PHF19: variants seen among roughly 807,000 people sequenced by gnomAD.
The protein encoded by PHF19 is polycomb like 3.
PHF19 carries 21 observed loss-of-function variants against 79.8 expected under a neutral mutation model. The ratio of observed to expected loss-of-function variants is 0.26; its 90% CI spans 0.19 to 0.38. The LOEUF (loss-of-function observed/expected upper bound fraction) is 0.38. Among genes scored for constraint, PHF19 ranks in the 10% least tolerant of loss-of-function variants. PHF19 has a pLI of 1.00. For missense variants in PHF19, 445 were observed against 744.2 expected (o/e 0.60, Z 4.68); for synonymous variants, 273 against 296.3 (o/e 0.92, Z 0.81).
Position 120,876,951 on chromosome 9 carries a change from C to T in PHF19, c.-16+140G>A, listed in dbSNP as rs1445060719. ...GTAACCTGCACCCCCGGTCCCCACC[C>T]CCGAGAGCCCCGCTCCGCAGGAGTC... On this transcript the variant is annotated intron_variant, in intron 1 of 14. Coordinates refer to ENST00000373896, the MANE Select transcript of PHF19 (RefSeq NM_015651.3). 14 of 984,282 alleles carry T rather than the reference C, an allele frequency of 1.4e-5. No individual in the cohort carries two copies. The Admixed American group carries it at 8.0e-4, about 56-fold the overall frequency. 61.0% of individuals were successfully genotyped at this position (984,282 alleles called of 1,614,324 possible).
chr9:120,874,628 G>A lies in PHF19; in HGVS notation c.114C>T (p.Ser38=), dbSNP rs772948673. Reference sequence around the variant, plus strand: ...GCACATACTGGCCCTCCGTCAGTTTGGACATCAAGTCTTTGAAGTTGTTCT... The same window carrying A: ...GCACATACTGGCCCTCCGTCAGTTTAGACATCAAGTCTTTGAAGTTGTTCT... The part of the protein sequence containing the change: ...KVKNNFKDLM[S]KLTEGQYVLC... The change falls in exon 2 of 15, where the codon TCC becomes TCT. Residue 38 remains serine, a synonymous_variant. Transcript: ENST00000373896. This position sits in a 1 kb window ranked among gnomAD's most constrained non-coding sequence, Gnocchi z 4.5. 8 of 1,613,898 alleles carry A rather than the reference G, an allele frequency of 5.0e-6. No individual in the cohort carries two copies. The highest frequency in any genetic ancestry group is 1.7e-4 in the Middle Eastern group (1 of 6,060).
chr9:120,884,781 T>C (rs2131588348), intron 1 of PHF19, among the ~76,000 whole-genome samples: 1 of 148,606 alleles, frequency 6.7e-6, no homozygotes, highest in African/African-American at 2.5e-5. Flanking sequence ...ATTAGCTGGA[T>C]GTGGTGGTAC....
intron 1 of PHF19, among the ~76,000 whole-genome samples, chr9:120,893,655 G>A (rs1232669130): frequency 6.6e-6 from 1 of 152,190 alleles, no homozygotes; most frequent in Non-Finnish European, 1.5e-5. Flanking sequence ...GCTTTAGAAA[G>A]CACACGTCAT....
chr9:120,890,951 C>A (rs2046334595), intron 1 of PHF19, among the ~76,000 whole-genome samples: 3 of 152,198 alleles, frequency 2.0e-5, no homozygotes, highest in African/African-American at 7.2e-5. Flanking sequence ...TACTCTCCAC[C>A]CCCACCCTTT....
At chr9:120,894,040 G>C (rs906183368) in intron 1 of PHF19, among the ~76,000 whole-genome samples, 1 of 152,190 alleles carries the variant, frequency 6.6e-6, no homozygotes. Context: ...GCCCAGGGGT[G>C]ATCCCATGTA....
At position 120,870,314 on chromosome 9, in the gene PHF19, C is replaced by T. The variant is rs1359672272; in HGVS notation, c.364+129G>A. ...TCACTTACAGCAACTGGCCCCCTTT[C>T]ACCCTGCAGTGCCAAGAGAAACAGG... is the stretch of plus-strand genomic sequence containing the variant. On this transcript the variant is annotated intron_variant, in intron 4 of 14. Coordinates refer to ENST00000373896, the MANE Select transcript of PHF19 (RefSeq NM_015651.3). This position sits in a 1 kb window ranked among gnomAD's most constrained non-coding sequence, Gnocchi z 4.4. 1 of 691,852 alleles carries T rather than the reference C, an allele frequency of 1.4e-6. No individual in the cohort carries two copies. The highest frequency in any genetic ancestry group is 1.7e-5 in the South Asian group (1 of 58,806). 42.9% of individuals were successfully genotyped at this position (691,852 alleles called of 1,614,324 possible).
intron 1 of PHF19, 22 bp downstream of exon 1, chr9:120,877,069 C>T: frequency 1.0e-6 from 1 of 985,438 alleles, no homozygotes; most frequent in Non-Finnish European, 1.2e-6. Context: ...GCGGGGAGTC[C>T]GCCCAACAGC....
At chr9:120,899,976 C>G in the PHF19 span, among the ~76,000 whole-genome samples, 2 of 152,242 alleles carry the variant, frequency 1.3e-5, no homozygotes, top group East Asian at 1.9e-4. Flanking sequence ...GTTGGAATGG[C>G]CTTGAGCAAC....
At chr9:120,877,206 G>A, upstream of PHF19, 1 of 981,586 alleles carries the variant, frequency 1.0e-6, no homozygotes, top group Non-Finnish European at 1.2e-6. Context: ...CGTGGGGCCG[G>A]GGTCGGGGTC....
upstream of PHF19, among the ~76,000 whole-genome samples, chr9:120,898,458 T>C (rs2046418704): frequency 6.6e-6 from 1 of 152,230 alleles, no homozygotes; most frequent in African/African-American, 2.4e-5. Context: ...AAAATAATAC[T>C]TTCCTCTGAG....
chr9:120,872,256 A>G (rs773664669), intron 3 of PHF19, among the ~76,000 whole-genome samples: 2 of 152,140 alleles, frequency 1.3e-5, no homozygotes, highest in African/African-American at 4.8e-5. Context: ...GAAGCAATGG[A>G]TCAATAACTA....
In PHF19 at chr9:120,862,034, C is replaced by T. The variant is rs767052566; in HGVS notation, c.1131-29G>A. 37 of 1,564,100 alleles carry T rather than the reference C, an allele frequency of 2.4e-5. No individual in the cohort carries two copies. The highest frequency in any genetic ancestry group is 1.7e-4 in the Middle Eastern group (1 of 5,992). On this transcript the variant is annotated intron_variant, in intron 11 of 14. Transcript: ENST00000373896. This position sits in a 1 kb window ranked among gnomAD's most constrained non-coding sequence, Gnocchi z 4.6. ...TGGAGACAGAAGAGGGAGAAGGTGG[C>T]CCCGTCAGAGCCTGAGGGCCCTAGG...
Position 120,861,074 on chromosome 9 carries a change from GT to G in PHF19, c.1304+14del. 6.9e-7 allele frequency: 1 copy of G among 1,451,468 alleles called. No individual in the cohort carries two copies. Among genetic ancestry groups the G allele is most frequent in the Non-Finnish European group, 9.7e-7 (1 of 1,031,554 alleles). The allele number at this position is 1,451,468 out of a possible 1,614,324, so 89.9% of individuals were successfully genotyped here. On this transcript the variant is annotated intron_variant, in intron 13 of 14. Coordinates refer to ENST00000373896, the MANE Select transcript of PHF19 (RefSeq NM_015651.3). The stretch of plus-strand genomic sequence containing the variant: ...TCTCCAGAGCAGACCTCTGTGCTAG[GT>G]CCCTCACTGATACCTTTTTAAACTT...
chr9:120,890,731 T>C (rs2046331340), intron 1 of PHF19, among the ~76,000 whole-genome samples: 1 of 152,136 alleles, frequency 6.6e-6, no homozygotes, highest in Non-Finnish European at 1.5e-5. Flanking sequence ...GCTCTCCAAA[T>C]CCTATCCTTC....
At position 120,870,707 on chromosome 9, in the gene PHF19, G is replaced by A. The variant is rs184983629; in HGVS notation, c.269-169C>T. ...GAGATGCCTATCATCATTACCATTC[G>A]AAAGATGGGGAAATTGAGGCTCTGA... On this transcript the variant is annotated intron_variant, in intron 3 of 14. Transcript: ENST00000373896. This position sits in a 1 kb window ranked among gnomAD's most constrained non-coding sequence, Gnocchi z 4.4. Among the ~76,000 whole-genome samples, 107 of 152,244 alleles carry A rather than the reference G, an allele frequency of 7.0e-4. No homozygotes were observed. Among genetic ancestry groups the A allele is most frequent in the Non-Finnish European group, 1.1e-3 (76 of 68,024 alleles).
At chr9:120,859,231 C>CTT (rs59695692) in intron 14 of PHF19, among the ~76,000 whole-genome samples, 2,270 of 104,940 alleles carry the variant, frequency 0.022, 71 homozygotes, top group Non-Finnish European at 0.025. Flanking sequence ...TACCATTGTC[C>CTT]TTTTTTTTTT....
rs2045368375 is a variant in PHF19, at chr9:120,856,703, G to C, written c.*1241C>G. ...CCCTTTGAGGGAACCAAATGATGCA[G>C]GCTCTTTAAAAATTTCAACCTATCC... On this transcript the variant is annotated 3_prime_UTR_variant, in exon 15 of 15. Transcript: ENST00000373896. The C allele has an allele frequency of 6.6e-6, 1 of 152,670 alleles. No individual in the cohort carries two copies. The highest frequency in any genetic ancestry group is 2.4e-5 in the African/African-American group (1 of 41,450). 9.5% of individuals were successfully genotyped at this position (152,670 alleles called of 1,614,324 possible).
chr9:120,868,533 C>T (rs1407140807), intron 6 of PHF19: 1 of 153,668 alleles, frequency 6.5e-6, no homozygotes, highest in Non-Finnish European at 1.4e-5. Context: ...CTGTGTCCGG[C>T]CCAGGCTCTT....
intron 1 of PHF19, among the ~76,000 whole-genome samples, chr9:120,890,273 CT>C (rs10658749): frequency 0.076 from 8,719 of 114,950 alleles, 259 homozygotes; most frequent in African/African-American, 0.1. Flanking sequence ...AATGAGCCTG[CT>C]TTTTTTTTTT....
Sources: gnomAD v4.1 joint callset for allele counts (sites outside exome capture counted in the v4.1 genomes callset) on GRCh38, gnomAD v4.1.1 for gene constraint, Gnocchi (gnomAD v3.1) non-coding constraint, MANE v1.5 for transcripts, NCBI Gene and HGNC (gene_info 2026-07-23, HGNC 2026-07-21) for gene names.